The following MIGA2 variants were observed in gnomAD, a reference collection of about 807,000 sequenced individuals.
MIGA2 encodes mitoguardin 2, also known as family with sequence similarity 73, member B.
MIGA2 carries 36 observed loss-of-function variants against 69.9 expected under a neutral mutation model. The ratio of observed to expected loss-of-function variants is 0.52; its 90% CI spans 0.39 to 0.68. The LOEUF is 0.68. Among genes scored for constraint, MIGA2 ranks in the 30% least tolerant of loss-of-function variants. The pLI is 0.00. For synonymous variants in MIGA2, 333 were observed against 349.2 expected, an observed-to-expected ratio of 0.95 and a Z score of 0.52; for missense variants, 660 against 787.7, an observed-to-expected ratio of 0.84 and a Z score of 1.94.
chr9:129,064,785 G>GT lies in MIGA2; in HGVS notation c.1170+1168dup, dbSNP rs775135561. Among the ~76,000 whole-genome samples the GT allele has an allele frequency of 4.0e-3, 552 of 137,398 alleles. 2 individuals are homozygous for GT. The highest frequency in any genetic ancestry group is 4.7e-3 in the Non-Finnish European group (292 of 62,724). The allele number at this position is 137,398 out of a possible 152,430, so 90.1% of individuals were successfully genotyped here. On this transcript the variant is annotated intron_variant, in intron 11 of 15. Transcript: ENST00000684074. Reference sequence around the variant, plus strand: ...CCCAGGAACACTGTTGCTCAATCTTGTTTTTTTTTTTTTTGAGACAGGGTT... The same window carrying GT: ...CCCAGGAACACTGTTGCTCAATCTTGTTTTTTTTTTTTTTTGAGACAGGGTT...
chr9:129,037,035 C>T (rs942244467), intron 1 of MIGA2: 6 of 1,002,284 alleles, frequency 6.0e-6, no homozygotes, highest in South Asian at 9.3e-5. Flanking sequence ...CAATGATATT[C>T]CGGGGTGGGG....
chr9:129,063,116 C>T, intron 9 of MIGA2, 128 bp from the exon 10 acceptor site: 1 of 910,286 alleles, frequency 1.1e-6, no homozygotes, highest in East Asian at 2.6e-5. Context: ...AGAGGCCACA[C>T]TGCCAGGCTG....
At position 129,061,343 on chromosome 9, in the gene MIGA2, T is replaced by G. The variant is rs1047029242; in HGVS notation, c.1007T>G (p.Leu336Arg). Residue 336 changes from leucine (L) to arginine (R), a missense_variant, in exon 9 of 16, where the codon CTC (leucine) becomes CGC (arginine). This residue lies in a region of MIGA2 where 386 missense variants were observed against 402.0 expected (regional missense o/e 0.96). Coordinates refer to ENST00000684074, the MANE Select transcript of MIGA2 (RefSeq NM_001329990.2). The surrounding 1 kb of genome is among the most constrained non-coding windows in gnomAD (Gnocchi z 5.0). ...GAGGGGAGAGTGCCTTGCCGGACCC[T>G]CAGGTGAGCAGGTGTGGAGGGAGGG... ...VKEGRVPCRTLRTELLGCYSD... is the reference protein window; with the variant it reads ...VKEGRVPCRTRRTELLGCYSD... 2.8e-6 allele frequency: 3 copies of G among 1,088,650 alleles called. No homozygotes were observed. Among genetic ancestry groups the G allele is most frequent in the Admixed American group, 3.6e-5 (2 of 55,096 alleles). The allele number at this position is 1,088,650 out of a possible 1,614,324, so 67.4% of individuals were successfully genotyped here.
chr9:129,046,585 G>A (rs971694316), intron 3 of MIGA2, among the ~76,000 whole-genome samples: 1 of 151,542 alleles, frequency 6.6e-6, no homozygotes, highest in African/African-American at 2.4e-5. Context: ...AGCCTCCCGA[G>A]TAGCTGGGAG....
At position 129,049,491 on chromosome 9, in the gene MIGA2, C is replaced by T; in HGVS notation, c.531C>T (p.Tyr177=). ...TTSDGNAESL[Y]MQGMELFEEA... ...GCGACGGCAATGCAGAGAGCCTGTA[C>T]ATGCAAGGTGTGGCCAGGAGGTGCC... is the stretch of plus-strand genomic sequence containing the variant. Residue 177 remains tyrosine, a synonymous_variant, in exon 5 of 16, where the codon TAC becomes TAT. Coordinates refer to ENST00000684074, the MANE Select transcript of MIGA2 (RefSeq NM_001329990.2). 1 of 1,613,326 alleles carries T rather than the reference C, an allele frequency of 6.2e-7. No homozygotes were observed. Among genetic ancestry groups the T allele is most frequent in the Non-Finnish European group, 8.5e-7 (1 of 1,179,796 alleles).
At chr9:129,047,826 C>A (rs1482655234) in intron 3 of MIGA2, among the ~76,000 whole-genome samples, 1 of 151,944 alleles carries the variant, frequency 6.6e-6, no homozygotes, top group Non-Finnish European at 1.5e-5. Context: ...ACCTCCCAGG[C>A]TCAATTGATC....
In MIGA2 at chr9:129,069,499, G is replaced by A. The variant is rs953797161; in HGVS notation, c.1459-350G>A. 11 of 502,414 alleles carry A rather than the reference G, an allele frequency of 2.2e-5. No homozygotes were observed. The highest frequency in any genetic ancestry group is 6.6e-5 in the South Asian group (3 of 45,730). 31.1% of individuals were successfully genotyped at this position (502,414 alleles called of 1,614,324 possible). On this transcript the variant is annotated intron_variant, in intron 14 of 15. Coordinates refer to ENST00000684074, the MANE Select transcript of MIGA2 (RefSeq NM_001329990.2). The surrounding 1 kb of genome is among the most constrained non-coding windows in gnomAD (Gnocchi z 4.9). ...CCCCAGTCAGGCCCCTGTAATCTCCGCTCCCAGGCAGCGACTGGCTGTGCT... is the reference window on the plus strand; with the variant it reads ...CCCCAGTCAGGCCCCTGTAATCTCCACTCCCAGGCAGCGACTGGCTGTGCT...
Position 129,068,052 on chromosome 9 carries a change from C to A in MIGA2, c.1270-146C>A, listed in dbSNP as rs542990941. The A allele has an allele frequency of 5.7e-5, 75 of 1,318,696 alleles. No individual in the cohort carries two copies. In the African/African-American group the frequency reaches 1.0e-3, roughly 18 times the overall value. 81.7% of individuals were successfully genotyped at this position (1,318,696 alleles called of 1,614,324 possible). A position where few individuals can be genotyped will look rare whatever the true frequency, so the allele number is the denominator to read the frequency against. On this transcript the variant is annotated intron_variant, in intron 12 of 15. Transcript: ENST00000684074. This position sits in a 1 kb window ranked among gnomAD's most constrained non-coding sequence, Gnocchi z 4.1. ...AGAGGGAGGAATGGCCTCAGCTACA[C>A]CCGTTGCACAGCAGAGCGGGAAAGA...
intron 6 of MIGA2, among the ~76,000 whole-genome samples, chr9:129,058,427 T>A (rs1200038546): frequency 6.6e-6 from 1 of 151,288 alleles, no homozygotes; most frequent in Non-Finnish European, 1.5e-5. Flanking sequence ...AAAAGTTTTT[T>A]ATGTAGATTT....
At chr9:129,042,206 C>A in intron 2 of MIGA2, 98 bp from the exon 3 acceptor site, 1 of 1,191,268 alleles carries the variant, frequency 8.4e-7, no homozygotes, top group Non-Finnish European at 1.2e-6. Context: ...TGCCGGAGAG[C>A]CGGTGTGTGT....
rs1456348382 is a variant in MIGA2 at position 129,069,202 on chromosome 9, AG to A, written c.1458+76del. 2.1e-5 allele frequency: 34 copies of A among 1,594,034 alleles called. No homozygotes were observed. The highest frequency in any genetic ancestry group is 4.5e-5 in the East Asian group (2 of 44,780). Reference sequence around the variant, plus strand: ...GCGTGGTGGGGAGCGGAGCGGGTGCAGGGTGGCTCGCTGGGCCACTTGGCCT... The same window carrying A: ...GCGTGGTGGGGAGCGGAGCGGGTGCAGGTGGCTCGCTGGGCCACTTGGCCT... On this transcript the variant is annotated intron_variant, in intron 14 of 15. Coordinates refer to ENST00000684074, the MANE Select transcript of MIGA2 (RefSeq NM_001329990.2). The surrounding 1 kb of genome is among the most constrained non-coding windows in gnomAD (Gnocchi z 4.9).
intron 11 of MIGA2, among the ~76,000 whole-genome samples, chr9:129,066,082 A>G (rs1358213650): frequency 6.6e-6 from 1 of 152,154 alleles, no homozygotes; most frequent in Non-Finnish European, 1.5e-5. Flanking sequence ...CTCAGTGTAT[A>G]CTCAATGGTT....
In MIGA2 at chr9:129,061,914, TTC is replaced by T. The variant is rs1846084891; in HGVS notation, c.1010+570_1010+571del. Among the ~76,000 whole-genome samples, 1 of 152,228 alleles carries T rather than the reference TTC, an allele frequency of 6.6e-6. No homozygotes were observed. The highest frequency in any genetic ancestry group is 2.4e-5 in the African/African-American group (1 of 41,460). ...TCGCTTAACTTCTCTTAGCCTCAGTTTCTTTGTCTGTGGTTATGTTTAGGCCT... is the reference window on the plus strand; with the variant it reads ...TCGCTTAACTTCTCTTAGCCTCAGTTTTTGTCTGTGGTTATGTTTAGGCCT... On this transcript the variant is annotated intron_variant, in intron 9 of 15. Coordinates refer to ENST00000684074, the MANE Select transcript of MIGA2 (RefSeq NM_001329990.2). This position sits in a 1 kb window ranked among gnomAD's most constrained non-coding sequence, Gnocchi z 5.0.
At position 129,069,444 on chromosome 9, in the gene MIGA2, C is replaced by T; in HGVS notation, c.1458+315C>T. On this transcript the variant is annotated intron_variant, in intron 14 of 15. Transcript: ENST00000684074. This position sits in a 1 kb window ranked among gnomAD's most constrained non-coding sequence, Gnocchi z 4.9. ...TGGGGGCAGGATACCCAGGAGCAAG[C>T]AGAGCCCTGTCCCTCCTGCCCTTTC... is the stretch of plus-strand genomic sequence containing the variant. 1 of 534,858 alleles carries T rather than the reference C, an allele frequency of 1.9e-6. No individual in the cohort carries two copies. 33.1% of individuals were successfully genotyped at this position (534,858 alleles called of 1,614,324 possible).
chr9:129,041,837 G>A (rs1468939348), intron 2 of MIGA2, among the ~76,000 whole-genome samples: 1 of 152,218 alleles, frequency 6.6e-6, no homozygotes, highest in African/African-American at 2.4e-5. Context: ...GCAGGTGAGT[G>A]AGTGTCATCA....
chr9:129,070,163 T>G, intron 15 of MIGA2, 84 bp from the exon 16 acceptor site: 1 of 1,488,456 alleles, frequency 6.7e-7, no homozygotes, highest in African/African-American at 1.4e-5. Flanking sequence ...GCTCTGGTGG[T>G]GGACAAGGGG....
intron 11 of MIGA2, among the ~76,000 whole-genome samples, chr9:129,064,885 C>G (rs1452355219): frequency 1.3e-5 from 2 of 151,496 alleles, no homozygotes; most frequent in Non-Finnish European, 2.9e-5. Context: ...CGGGTTCAAG[C>G]AATCCTCCCA....
At position 129,060,644 on chromosome 9, in the gene MIGA2, C is replaced by T. The variant is rs777972631; in HGVS notation, c.888C>T (p.Ala296=). ...CTTCAGAGGATTCCTTCTTCTCCGC[C>T]ACCGAGGTGACTCGGGGTGGGGACC... ...SLTSEDSFFS[A]TELFESLQTG... Residue 296 remains alanine (A), a synonymous_variant, in exon 8 of 16, where the codon GCC becomes GCT. Coordinates refer to ENST00000684074, the MANE Select transcript of MIGA2 (RefSeq NM_001329990.2). This position sits in a 1 kb window ranked among gnomAD's most constrained non-coding sequence, Gnocchi z 4.8. 313 of 1,589,126 alleles carry T rather than the reference C, an allele frequency of 2.0e-4. No individual in the cohort carries two copies. The highest frequency in any genetic ancestry group is 2.6e-4 in the Non-Finnish European group (306 of 1,167,316).
At chr9:129,043,134 C>T (rs985374615) in intron 3 of MIGA2, among the ~76,000 whole-genome samples, 1 of 151,264 alleles carries the variant, frequency 6.6e-6, no homozygotes, top group African/African-American at 2.4e-5. Flanking sequence ...GCGGAGCTTG[C>T]AGTGAGCCGA....
Sources: gnomAD v4.1 joint callset for allele counts (sites outside exome capture counted in the v4.1 genomes callset) on GRCh38, gnomAD v4.1.1 for gene constraint, gnomAD v4.1.1 regional missense constraint, Gnocchi (gnomAD v3.1) non-coding constraint, MANE v1.5 for transcripts, NCBI Gene and HGNC (gene_info 2026-07-23, HGNC 2026-07-21) for gene names.